The following HPRT1 variants were observed in gnomAD, a reference collection of about 807,000 sequenced individuals.
HPRT1 encodes the protein hypoxanthine phosphoribosyltransferase 1.
In HPRT1, 4 loss-of-function variants were observed where a neutral mutation model predicts 19.0. The ratio of observed to expected loss-of-function variants is 0.21; its 90% confidence interval spans 0.10 to 0.48. The LOEUF (loss-of-function observed/expected upper bound fraction) is 0.48. Among genes scored for constraint, HPRT1 ranks in the 20% least tolerant of loss-of-function variants. The pLI is 0.98. For missense variants in HPRT1, 65 were observed against 164.0 expected, an observed-to-expected ratio of 0.40 and a Z score of 3.30; for synonymous variants, 53 against 54.9, an observed-to-expected ratio of 0.97 and a Z score of 0.15.
intron 1 of HPRT1, among the ~76,000 whole-genome samples, chrX:134,472,315 C>T (rs571005792): frequency 9.0e-6 from 1 of 111,159 alleles, no homozygotes; most frequent in Admixed American, 9.7e-5. Context: ...TGTTAGACTA[C>T]AGTGTGTTAA....
chrX:134,491,023 T>C (rs2077665179), intron 5 of HPRT1, among the ~76,000 whole-genome samples: 1 of 105,681 alleles, frequency 9.5e-6, no homozygotes, highest in Non-Finnish European at 1.9e-5. Flanking sequence ...TATATATATA[T>C]CACTTATCAC....
chrX:134,478,495 C>T (rs1453099928), intron 3 of HPRT1, among the ~76,000 whole-genome samples: 1 of 110,772 alleles, frequency 9.0e-6, no homozygotes. Context: ...CACCTGTAGT[C>T]CCAGCTACTT....
intron 6 of HPRT1, among the ~76,000 whole-genome samples, chrX:134,495,006 G>A (rs1461682677): frequency 7.2e-5 from 8 of 110,901 alleles, no homozygotes; most frequent in Non-Finnish European, 1.3e-4. Flanking sequence ...TAAACACTAA[G>A]GAATAAGATT....
At chrX:134,471,963 GTTTGTTTTGT>G (rs1311632156) in intron 1 of HPRT1, among the ~76,000 whole-genome samples, 2 of 107,458 alleles carry the variant, frequency 1.9e-5, no homozygotes, top group African/African-American at 6.9e-5. Context: ...GGTTTTTTTT[GTTTGTTTTGT>G]TTTGTTTTGT....
chrX:134,486,507 G>C lies in HPRT1; in HGVS notation c.361G>C (p.Asp121His). ...GGACATAAAAGTAATTGGTGGAGAT[G>C]ATCTCTCAACTTTAACTGGAAAGGT... ...TGDIKVIGGDDLSTLTGKNVL... is the reference protein window; with the variant it reads ...TGDIKVIGGDHLSTLTGKNVL... Residue 121 changes from aspartate to histidine, a missense_variant, in exon 4 of 9, where the codon GAT becomes CAT. Around this residue, in one of 4 missense-constraint regions of HPRT1, gnomAD observed 16 missense variants for 16.0 expected, o/e 1.00. Transcript: ENST00000298556. 1.7e-6 allele frequency: 2 copies of C among 1,160,840 alleles called. No homozygotes were observed. The highest frequency in any genetic ancestry group is 2.3e-6 in the Non-Finnish European group (2 of 855,145).
At position 134,473,483 on chromosome X, in the gene HPRT1, A is replaced by G. The variant is rs763953406; in HGVS notation, c.134+18A>G. 9.2e-6 allele frequency: 9 copies of G among 976,672 alleles called. 1 individual carries two copies. The South Asian group carries it at 1.3e-4, about 15-fold the overall frequency. The allele number at this position is 976,672 out of a possible 1,213,427, so 80.5% of individuals were successfully genotyped here. A position where few individuals can be genotyped will look rare whatever the true frequency, so the allele number is the denominator to read the frequency against. On this transcript the variant is annotated intron_variant, in intron 2 of 8. Transcript: ENST00000298556. ...ATGGACAGGTAAGTAAGATCTTAAA[A>G]TGAGGTTTTTTACTTTTTCTTGTGT...
intron 1 of HPRT1, among the ~76,000 whole-genome samples, chrX:134,465,172 G>A (rs756918780): frequency 9.0e-6 from 1 of 110,736 alleles, no homozygotes; most frequent in East Asian, 2.8e-4. Context: ...CAAAGTGCTG[G>A]GATTACAGGT....
At chrX:134,463,708 T>G (rs1359081107) in intron 1 of HPRT1, among the ~76,000 whole-genome samples, 1 of 112,049 alleles carries the variant, frequency 8.9e-6, no homozygotes. Context: ...GTTCATTAGA[T>G]AGTAACTAGG....
intron 8 of HPRT1, among the ~76,000 whole-genome samples, 156 bp from the exon 9 acceptor site, chrX:134,499,874 C>A (rs899039595): frequency 8.9e-6 from 1 of 111,781 alleles, no homozygotes; most frequent in African/African-American, 3.2e-5. Context: ...TCAAAAGATA[C>A]ACTCCCCAAA....
At chrX:134,497,490 C>T (rs1396188123) in intron 6 of HPRT1, among the ~76,000 whole-genome samples, 2 of 107,825 alleles carry the variant, frequency 1.9e-5, no homozygotes, top group African/African-American at 6.8e-5. Context: ...CAAAATTAGC[C>T]GGGCGTGGTG....
rs1010724238 is a variant in HPRT1 at position 134,482,669 on chromosome X, C to T, written c.319-3796C>T. 3.6e-5 allele frequency among the ~76,000 whole-genome samples: 4 copies of T among 110,844 alleles called. No homozygotes were observed. The Admixed American group carries it at 3.9e-4, about 11-fold the overall frequency. Reference sequence around the variant, plus strand: ...GTGCTTCATCAGTGTCGTTTTTTAACTGACAAAAACCTTTAGTTTTTTTTT... The same window carrying T: ...GTGCTTCATCAGTGTCGTTTTTTAATTGACAAAAACCTTTAGTTTTTTTTT... On this transcript the variant is annotated intron_variant, in intron 3 of 8. Transcript: ENST00000298556.
chrX:134,488,092 G>T (rs949307114), intron 4 of HPRT1, among the ~76,000 whole-genome samples: 2 of 110,432 alleles, frequency 1.8e-5, no homozygotes, highest in Non-Finnish European at 1.9e-5. Context: ...TTATTTCTTG[G>T]TGGTAAGATT....
chrX:134,486,420 T>G (rs1013221396), intron 3 of HPRT1, 45 bp from the exon 4 acceptor site: 4 of 683,000 alleles, frequency 5.9e-6, no homozygotes, highest in Non-Finnish European at 8.5e-6. Flanking sequence ...TATACATATG[T>G]GTGTGTAGAT....
intron 3 of HPRT1, among the ~76,000 whole-genome samples, chrX:134,477,015 GTTTATTTTATTTTA>G (rs1352387536): frequency 1.0e-5 from 1 of 97,714 alleles, no homozygotes; most frequent in East Asian, 3.3e-4. Context: ...TTATTGATAT[GTTTATTTTATTTTA>G]TTTTATTTTA....
In HPRT1 at chrX:134,488,810, GA is replaced by G. The variant is rs1284574557; in HGVS notation, c.385-1371del. Among the ~76,000 whole-genome samples, 6 of 111,514 alleles carry G rather than the reference GA, an allele frequency of 5.4e-5. 1 individual carries two copies. Among genetic ancestry groups the G allele is most frequent in the African/African-American group, 1.6e-4 (5 of 30,680 alleles). Reference sequence around the variant, plus strand: ...ATTTACTGGGACCTCATACAAATGGGAAAAAAACATAACTGTGTTACTCATT... The same window carrying G: ...ATTTACTGGGACCTCATACAAATGGGAAAAAACATAACTGTGTTACTCATT... On this transcript the variant is annotated intron_variant, in intron 4 of 8. Transcript: ENST00000298556.
At chrX:134,481,735 T>A (rs1430179312) in intron 3 of HPRT1, among the ~76,000 whole-genome samples, 1 of 111,962 alleles carries the variant, frequency 8.9e-6, no homozygotes, top group Non-Finnish European at 1.9e-5. Flanking sequence ...TTTGATGTAG[T>A]CCTTATCAGG....
intron 3 of HPRT1, among the ~76,000 whole-genome samples, chrX:134,476,828 A>G (rs17879054): frequency 3.4e-4 from 38 of 110,632 alleles, no homozygotes; most frequent in Non-Finnish European, 6.6e-4. Flanking sequence ...TCCATTTTCT[A>G]CTTTTAGTTT....
At position 134,493,455 on chromosome X, in the gene HPRT1, C is replaced by T; in HGVS notation, c.403-53C>T. ...GCAGTTATACATGGGGGTTTTGGTA[C>T]TTTATATTGTGACTCTGAATTTAAA... is the stretch of plus-strand genomic sequence containing the variant. On this transcript the variant is annotated intron_variant, in intron 5 of 8. Transcript: ENST00000298556. 3 of 882,179 alleles carry T rather than the reference C, an allele frequency of 3.4e-6. No individual in the cohort carries two copies. The Admixed American group carries it at 6.6e-5, about 19-fold the overall frequency. 72.7% of individuals were successfully genotyped at this position (882,179 alleles called of 1,213,427 possible).
At chrX:134,468,374 GGAGGCTGAGGCGGGCGGATCATGA>G in intron 1 of HPRT1, among the ~76,000 whole-genome samples, 1 of 109,856 alleles carries the variant, frequency 9.1e-6, no homozygotes, top group South Asian at 4.0e-4. Context: ...CAGCACTTTG[GGAGGCTGAGGCGGGCGGATCATGA>G]GATCAGGAGA....
Sources: allele counts gnomAD v4.1 joint callset (sites outside exome capture counted in the v4.1 genomes callset), GRCh38; gene constraint gnomAD v4.1.1; regional missense constraint gnomAD v4.1.1; transcripts MANE v1.5; gene names NCBI Gene and HGNC (gene_info 2026-07-23, HGNC 2026-07-21).